Variants in NDNF observed in about 807,000 individuals in gnomAD.
NDNF encodes the protein neuron derived neurotrophic factor, also known as protein NDNF.
NDNF carries 16 observed loss-of-function variants against 42.0 expected under a neutral mutation model. That is an observed-to-expected ratio of 0.38 (90% CI 0.26 to 0.58). The LOEUF (loss-of-function observed/expected upper bound fraction) is 0.58. Among genes scored for constraint, NDNF ranks in the 20% least tolerant of loss-of-function variants. The pLI is 0.67. For missense variants in NDNF, 616 were observed against 666.2 expected (o/e 0.92, Z 0.83); for synonymous variants, 248 against 251.7 (o/e 0.99, Z 0.14).
Position 121,052,265 on chromosome 4 carries a change from T to C in NDNF, c.-1-6427A>G, listed in dbSNP as rs572764055. Among the ~76,000 whole-genome samples, 666 of 152,336 alleles carry C rather than the reference T, an allele frequency of 4.4e-3. 7 individuals are homozygous for C. The highest frequency in any genetic ancestry group is 0.015 in the African/African-American group (609 of 41,586). ...AAAAAATATATAGTATCACTGAGATTCGCTTAAAAATTATCTAATGTGCCT... is the reference window on the plus strand; with the variant it reads ...AAAAAATATATAGTATCACTGAGATCCGCTTAAAAATTATCTAATGTGCCT... On this transcript the variant is annotated intron_variant, in intron 1 of 3. Transcript: ENST00000379692.
intron 1 of NDNF, among the ~76,000 whole-genome samples, chr4:121,065,002 C>A (rs1489354713): frequency 1.3e-5 from 2 of 152,088 alleles, no homozygotes; most frequent in Non-Finnish European, 2.9e-5. Flanking sequence ...CAAGGGAGAT[C>A]ATTGTGTACT....
chr4:121,052,110 CCAA>C (rs1450522834), intron 1 of NDNF, among the ~76,000 whole-genome samples: 1 of 152,182 alleles, frequency 6.6e-6, no homozygotes, highest in Non-Finnish European at 1.5e-5. Context: ...CCCTCTATCA[CCAA>C]CAAGTTCTTT....
At chr4:121,038,354 AATAAG>A (rs1726915571) in intron 3 of NDNF, among the ~76,000 whole-genome samples, 1 of 128,538 alleles carries the variant, frequency 7.8e-6, no homozygotes, top group Non-Finnish European at 1.7e-5. Flanking sequence ...CCTGTCTCAA[AATAAG>A]ATAAAATAAA....
chr4:121,052,699 A>G (rs1727220500), intron 1 of NDNF, among the ~76,000 whole-genome samples: 1 of 152,192 alleles, frequency 6.6e-6, no homozygotes, highest in Non-Finnish European at 1.5e-5. Flanking sequence ...GCACACTTTA[A>G]TACTGAATGT....
intron 1 of NDNF, among the ~76,000 whole-genome samples, chr4:121,051,468 G>A (rs1727193046): frequency 6.6e-6 from 1 of 152,122 alleles, no homozygotes; most frequent in Non-Finnish European, 1.5e-5. Context: ...GGAAATGCTT[G>A]TAAATTATAA....
intron 1 of NDNF, among the ~76,000 whole-genome samples, chr4:121,048,562 G>T (rs1433364843): frequency 1.3e-5 from 2 of 152,212 alleles, no homozygotes; most frequent in Non-Finnish European, 2.9e-5. Context: ...AATTCTGGCT[G>T]GGCGCAGTGG....
intron 1 of NDNF, among the ~76,000 whole-genome samples, chr4:121,064,359 A>G (rs1314619629): frequency 2.0e-5 from 3 of 152,190 alleles, no homozygotes; most frequent in African/African-American, 4.8e-5. Context: ...TTCTGCTTCC[A>G]TTGTGAAATT....
At chr4:121,065,004 T>C (rs978725840) in intron 1 of NDNF, among the ~76,000 whole-genome samples, 4 of 152,216 alleles carry the variant, frequency 2.6e-5, no homozygotes, top group Middle Eastern at 3.4e-3. Flanking sequence ...AGGGAGATCA[T>C]TGTGTACTAC....
At position 121,063,912 on chromosome 4, in the gene NDNF, T is replaced by A. The variant is rs148936951; in HGVS notation, c.-2+8081A>T. Reference sequence around the variant, plus strand: ...GTTTCTGTTTTACCTGAAATAATTATCTACAAGTGAAAGAGTTTAATCAGT... The same window carrying A: ...GTTTCTGTTTTACCTGAAATAATTAACTACAAGTGAAAGAGTTTAATCAGT... On this transcript the variant is annotated intron_variant, in intron 1 of 3. Transcript: ENST00000379692. Among the ~76,000 whole-genome samples the A allele has an allele frequency of 1.1e-3, 166 of 152,348 alleles. 1 individual carries two copies. Among genetic ancestry groups the A allele is most frequent in the African/African-American group, 3.8e-3 (156 of 41,582 alleles).
chr4:121,058,345 C>G (rs988401906), intron 1 of NDNF, among the ~76,000 whole-genome samples: 4 of 152,212 alleles, frequency 2.6e-5, no homozygotes, highest in Admixed American at 2.6e-4. Context: ...TTCTGAAGCC[C>G]AGGCACCTAA....
intron 1 of NDNF, among the ~76,000 whole-genome samples, chr4:121,057,038 C>T (rs956462833): frequency 3.3e-5 from 5 of 152,124 alleles, no homozygotes; most frequent in Admixed American, 6.5e-5. Context: ...AATGAGGCAG[C>T]GAACAAGATG....
rs1726887334 is a variant in NDNF, at chr4:121,037,083, C to T, written c.888G>A (p.Lys296=). The part of the protein sequence containing the change: ...VDIQKICIGN[K]NIFTVSDLKP... ...TCAGATCAGAGACGGTGAAGATGTT[C>T]TTGTTTCCTATGCAGATTTTCTGAA... The change falls in exon 4 of 4, where the codon AAG becomes AAA. Residue 296 remains lysine (K), a synonymous_variant. Transcript: ENST00000379692. 1 of 1,613,832 alleles carries T rather than the reference C, an allele frequency of 6.2e-7. No homozygotes were observed. The highest frequency in any genetic ancestry group is 1.3e-5 in the African/African-American group (1 of 75,004).
intron 2 of NDNF, among the ~76,000 whole-genome samples, chr4:121,044,670 A>T (rs942182702): frequency 6.6e-6 from 1 of 152,194 alleles, no homozygotes; most frequent in Non-Finnish European, 1.5e-5. Flanking sequence ...TATTATACTC[A>T]TAAAACATAA....
intron 1 of NDNF, among the ~76,000 whole-genome samples, chr4:121,071,146 TCA>T (rs926825269): frequency 6.6e-6 from 1 of 151,974 alleles, no homozygotes; most frequent in African/African-American, 2.4e-5. Context: ...GCGACTCCGC[TCA>T]GTTAGAAAGG....
chr4:121,051,943 T>C (rs567800069), intron 1 of NDNF, among the ~76,000 whole-genome samples: 11 of 152,202 alleles, frequency 7.2e-5, no homozygotes, highest in Non-Finnish European at 1.5e-4. Context: ...AGATAGAAAG[T>C]TCTTTTGGGC....
chr4:121,038,948 T>C, intron 3 of NDNF: 1 of 144,322 alleles, frequency 6.9e-6, no homozygotes, highest in Non-Finnish European at 1.5e-5. Flanking sequence ...GATTACACCA[T>C]TGCACTCCTA....
At chr4:121,063,684 G>A (rs905401669) in intron 1 of NDNF, among the ~76,000 whole-genome samples, 1 of 152,118 alleles carries the variant, frequency 6.6e-6, no homozygotes, top group African/African-American at 2.4e-5. Flanking sequence ...TATGCAAATG[G>A]TGATTGGGGG....
chr4:121,046,666 T>C (rs1727099289), intron 1 of NDNF, among the ~76,000 whole-genome samples: 1 of 152,206 alleles, frequency 6.6e-6, no homozygotes, highest in East Asian at 1.9e-4. Context: ...ATTTAGAACA[T>C]TTGTCTTAAC....
chr4:121,071,590 C>G (rs1334943748), intron 1 of NDNF: 1 of 152,286 alleles, frequency 6.6e-6, no homozygotes. Context: ...AGTAAGTGTC[C>G]AGGCTAAGTC....
Sources: gnomAD v4.1 joint callset for allele counts (sites outside exome capture counted in the v4.1 genomes callset) on GRCh38, gnomAD v4.1.1 for gene constraint, MANE v1.5 for transcripts, NCBI Gene and HGNC (gene_info 2026-07-23, HGNC 2026-07-21) for gene names.